Variants in SFMBT1 observed in about 807,000 individuals in gnomAD.
SFMBT1 encodes Scm like with four mbt domains 1.
A neutral mutation model predicts 108.7 loss-of-function variants in SFMBT1; 32 were observed. That is an observed-to-expected ratio of 0.29 (90% CI 0.22 to 0.40). SFMBT1 has a LOEUF of 0.40. SFMBT1 is among the 10% of genes least tolerant of loss of function. The pLI is 1.00. For synonymous variants in SFMBT1, 348 were observed against 369.5 expected (o/e 0.94, Z 0.67); for missense variants, 816 against 1,059.6 (o/e 0.77, Z 3.19).
intron 1 of SFMBT1, among the ~76,000 whole-genome samples, chr3:53,011,182 A>G (rs1270589165): frequency 2.6e-5 from 4 of 152,238 alleles, no homozygotes; most frequent in Non-Finnish European, 4.4e-5. Context: ...AGCTTTACCA[A>G]AAGAAAGGCA....
chr3:52,956,618 G>A (rs532188784), intron 2 of SFMBT1, among the ~76,000 whole-genome samples: 17 of 152,046 alleles, frequency 1.1e-4, no homozygotes, highest in East Asian at 3.9e-4. Context: ...AAAATTAGCC[G>A]GGTGTGGTGG....
intron 1 of SFMBT1, among the ~76,000 whole-genome samples, chr3:53,014,634 A>C (rs756764758): frequency 5.3e-5 from 8 of 152,218 alleles, no homozygotes; most frequent in Non-Finnish European, 1.2e-4. Context: ...TAGTACATCT[A>C]GTCTACCTTA....
rs1703095179 is a variant in SFMBT1, at chr3:52,938,650, T to TC, written c.365-3750_365-3749insG. On this transcript the variant is annotated intron_variant, in intron 4 of 20. Coordinates refer to ENST00000394752, the MANE Select transcript of SFMBT1 (RefSeq NM_016329.4). ...ATGGCAATAAAGCTGTTTTTTTTTT[T>TC]AAGACAATTAGTGGGCTTATACAAC... Among the ~76,000 whole-genome samples, 3 of 151,876 alleles carry TC rather than the reference T, an allele frequency of 2.0e-5. No individual in the cohort carries two copies. The South Asian group carries it at 6.3e-4, about 32-fold the overall frequency.
At chr3:52,950,443 T>C (rs764945578) in intron 3 of SFMBT1, among the ~76,000 whole-genome samples, 25 of 152,252 alleles carry the variant, frequency 1.6e-4, no homozygotes, top group Non-Finnish European at 3.4e-4. Context: ...TACATAAGCA[T>C]ACATAATCAA....
At chr3:53,034,157 T>C (rs1235459428) in intron 1 of SFMBT1, among the ~76,000 whole-genome samples, 7 of 152,234 alleles carry the variant, frequency 4.6e-5, no homozygotes, top group Non-Finnish European at 8.8e-5. Context: ...AAGGACTTTG[T>C]TGAAATTTTA....
chr3:53,032,347 G>T (rs924292710), intron 1 of SFMBT1, among the ~76,000 whole-genome samples: 3 of 152,228 alleles, frequency 2.0e-5, no homozygotes, highest in African/African-American at 7.2e-5. Flanking sequence ...TCCAGCCTGG[G>T]TGACAGAGCG....
intron 1 of SFMBT1, among the ~76,000 whole-genome samples, chr3:52,984,326 C>CT (rs1220533985): frequency 6.6e-6 from 1 of 151,884 alleles, no homozygotes; most frequent in Non-Finnish European, 1.5e-5. Context: ...AATTTATAAG[C>CT]TTTTTTTCAC....
chr3:52,964,487 C>T (rs542105012), intron 2 of SFMBT1, among the ~76,000 whole-genome samples: 9 of 152,286 alleles, frequency 5.9e-5, no homozygotes, highest in South Asian at 2.1e-4. Flanking sequence ...GTACTCCACC[C>T]TGGGTGACAA....
rs1702762572 is a variant in SFMBT1, at chr3:52,928,670, A to G, written c.898-329T>C. ...TATATATATACACATATATACATAT[A>G]TACACACACACACATATATATATAG... On this transcript the variant is annotated intron_variant, in intron 8 of 20. Transcript: ENST00000394752. 2.1e-5 allele frequency among the ~76,000 whole-genome samples: 3 copies of G among 140,434 alleles called. No individual in the cohort carries two copies. The South Asian group carries it at 6.7e-4, about 32-fold the overall frequency. The allele number at this position is 140,434 out of a possible 152,430, so 92.1% of individuals were successfully genotyped here. A position where few individuals can be genotyped will look rare whatever the true frequency, so the allele number is the denominator to read the frequency against.
chr3:52,986,300 T>C (rs1704913691), intron 1 of SFMBT1, among the ~76,000 whole-genome samples: 1 of 152,170 alleles, frequency 6.6e-6, no homozygotes, highest in Non-Finnish European at 1.5e-5. Flanking sequence ...GTAGACTTTC[T>C]AAACACTGCA....
At chr3:52,914,783 G>A (rs1702304604) in intron 14 of SFMBT1, among the ~76,000 whole-genome samples, 1 of 152,080 alleles carries the variant, frequency 6.6e-6, no homozygotes, top group Non-Finnish European at 1.5e-5. Context: ...CTATCATAGT[G>A]GCCAGTATGC....
chr3:52,969,416 T>C (rs192562622), intron 1 of SFMBT1, among the ~76,000 whole-genome samples, 158 bp from the exon 2 acceptor site: 64 of 152,326 alleles, frequency 4.2e-4, no homozygotes, highest in South Asian at 1.7e-3. Context: ...TTTTCTAATT[T>C]TGAAGAGTCT....
chr3:52,947,346 T>C (rs949737306), intron 3 of SFMBT1, among the ~76,000 whole-genome samples: 3 of 150,140 alleles, frequency 2.0e-5, no homozygotes, highest in African/African-American at 7.3e-5. Flanking sequence ...CTCGATCTCC[T>C]GACCTTGTGA....
chr3:52,995,875 C>A (rs1698309484), intron 1 of SFMBT1, among the ~76,000 whole-genome samples: 1 of 149,312 alleles, frequency 6.7e-6, no homozygotes, highest in South Asian at 2.1e-4. Flanking sequence ...AGTTCGAGAC[C>A]AGCCTGGCCA....
chr3:52,994,708 C>T lies in SFMBT1; in HGVS notation c.-130-25450G>A, dbSNP rs1406595087. Among the ~76,000 whole-genome samples the T allele has an allele frequency of 4.0e-5, 6 of 150,038 alleles. 1 individual carries two copies. In the South Asian group the frequency reaches 6.4e-4, roughly 16 times the overall value. ...AGAGATGGGGTTTCACTGTGTTGGC[C>T]GGGCTGGTCTCAAACTCCCGACCTC... On this transcript the variant is annotated intron_variant, in intron 1 of 20. Coordinates refer to ENST00000394752, the MANE Select transcript of SFMBT1 (RefSeq NM_016329.4).
chr3:52,954,619 G>A (rs1703720242), intron 2 of SFMBT1, among the ~76,000 whole-genome samples: 1 of 152,138 alleles, frequency 6.6e-6, no homozygotes, highest in African/African-American at 2.4e-5. Flanking sequence ...AATCTTCACA[G>A]AACAGCAGTT....
At chr3:52,978,007 TA>T (rs34041409) in intron 1 of SFMBT1, among the ~76,000 whole-genome samples, 39,403 of 151,564 alleles carry the variant, frequency 0.26, 5,238 homozygotes, top group East Asian at 0.33. Flanking sequence ...TCAGGCACAA[TA>T]AAAAAAAATT....
At chr3:52,939,127 T>C (rs1703108133) in intron 4 of SFMBT1, among the ~76,000 whole-genome samples, 1 of 152,258 alleles carries the variant, frequency 6.6e-6, no homozygotes. Context: ...TTGGTCTTTC[T>C]CCTAAATAGC....
intron 1 of SFMBT1, among the ~76,000 whole-genome samples, chr3:53,017,413 C>T (rs1699161897): frequency 6.6e-6 from 1 of 152,130 alleles, no homozygotes; most frequent in Middle Eastern, 3.2e-3. Context: ...TCTTGAATTC[C>T]TACTACCTGC....
Sources: allele counts gnomAD v4.1 joint callset (sites outside exome capture counted in the v4.1 genomes callset), GRCh38; gene constraint gnomAD v4.1.1; transcripts MANE v1.5; gene names NCBI Gene and HGNC (gene_info 2026-07-23, HGNC 2026-07-21).